The following C4orf51 variants were observed in gnomAD, a reference collection of about 807,000 sequenced individuals.
C4orf51 encodes the protein uncharacterized protein C4orf51.
A neutral mutation model predicts 25.2 loss-of-function variants in C4orf51; 25 were observed. That is an observed-to-expected ratio of 0.99 (90% CI 0.72 to 1.39). The LOEUF is 1.39. Ranked by LOEUF, C4orf51 falls within the 40% of genes most tolerant of loss-of-function variation. The probability of loss-of-function intolerance (pLI) is 0.00; values close to 1 mark genes in which losing one functional copy is unlikely to be tolerated. For missense variants in C4orf51, 252 were observed against 239.6 expected, an observed-to-expected ratio of 1.05 and a Z score of -0.34; for synonymous variants, 100 against 84.5, an observed-to-expected ratio of 1.18 and a Z score of -1.01.
intron 2 of C4orf51, among the ~76,000 whole-genome samples, chr4:145,721,920 A>G (rs761655202): frequency 6.6e-6 from 1 of 152,188 alleles, no homozygotes; most frequent in Non-Finnish European, 1.5e-5. Context: ...CATTATTTTT[A>G]ATTCTGTCCT....
intron 5 of C4orf51, among the ~76,000 whole-genome samples, 198 bp from the exon 6 acceptor site, chr4:145,732,255 T>TTA (rs1447369114): frequency 6.6e-6 from 1 of 152,200 alleles, no homozygotes; most frequent in East Asian, 1.9e-4. Context: ...CTCTCCCACT[T>TTA]TATTAATCTG....
At chr4:145,695,434 G>GT (rs549041859) in intron 1 of C4orf51, among the ~76,000 whole-genome samples, 9 of 151,800 alleles carry the variant, frequency 5.9e-5, no homozygotes, top group African/African-American at 1.7e-4. Flanking sequence ...GGGATTGTTT[G>GT]TTTTTTTTCT....
intron 1 of C4orf51, among the ~76,000 whole-genome samples, chr4:145,748,145 A>T (rs1482626114): frequency 6.6e-6 from 1 of 151,590 alleles, no homozygotes; most frequent in African/African-American, 2.4e-5. Flanking sequence ...AACTTTATCC[A>T]TTTCTTCTGG....
At chr4:145,789,505 T>C in the C4orf51 span, among the ~76,000 whole-genome samples, 9 of 152,208 alleles carry the variant, frequency 5.9e-5, no homozygotes, top group East Asian at 1.7e-3. Context: ...TATTTAACCT[T>C]ATAGCAGCAC....
At chr4:145,727,908 T>TATAG (rs1732163199) in intron 3 of C4orf51, among the ~76,000 whole-genome samples, 1 of 108,020 alleles carries the variant, frequency 9.3e-6, no homozygotes, top group Non-Finnish European at 1.7e-5. Flanking sequence ...TATATATATA[T>TATAG]ATATATATAT....
intron 1 of C4orf51, among the ~76,000 whole-genome samples, chr4:145,693,729 C>T (rs1417673663): frequency 1.2e-4 from 12 of 98,222 alleles, no homozygotes; most frequent in Admixed American, 2.0e-4. Context: ...CCCCCACCTC[C>T]CTCCCGGACG....
At chr4:145,743,476 C>T (rs769253561) in intron 1 of C4orf51, among the ~76,000 whole-genome samples, 14 of 152,124 alleles carry the variant, frequency 9.2e-5, no homozygotes, top group African/African-American at 2.9e-4. Flanking sequence ...CCTGTGATAA[C>T]GGCATTAATC....
intron 1 of C4orf51, among the ~76,000 whole-genome samples, chr4:145,739,098 G>T (rs943331510): frequency 1.3e-5 from 2 of 152,122 alleles, no homozygotes; most frequent in Non-Finnish European, 1.5e-5. Context: ...AAGTCTTGCT[G>T]TTTCTCTACA....
rs1160414603 is a variant in C4orf51 at position 145,761,269 on chromosome 4, G to A, written n.167-9719G>A. On this transcript the variant is annotated intron_variant and non_coding_transcript_variant, in intron 1 of 1. Coordinates refer to the C4orf51 transcript ENST00000510096. This position sits in a 1 kb window ranked among gnomAD's most constrained non-coding sequence, Gnocchi z 6.8. ...GAACAGGCACTCTTCGCAGCTGAAG[G>A]TCTGGCGTGGGGCGTGCTTCAGCTT... 3 of 1,289,802 alleles carry A rather than the reference G, an allele frequency of 2.3e-6. No individual in the cohort carries two copies. The allele number at this position is 1,289,802 out of a possible 1,614,324, so 79.9% of individuals were successfully genotyped here.
At chr4:145,757,229 CAT>C (rs1734014523), downstream of C4orf51, among the ~76,000 whole-genome samples, 2 of 152,180 alleles carry the variant, frequency 1.3e-5, no homozygotes, top group Admixed American at 1.3e-4. Flanking sequence ...ATTAAAATCT[CAT>C]AGTTGCCCAA....
chr4:145,715,606 A>T (rs960573034), intron 2 of C4orf51, among the ~76,000 whole-genome samples: 5 of 152,056 alleles, frequency 3.3e-5, no homozygotes, highest in African/African-American at 9.7e-5. Context: ...TCCACTGGCC[A>T]CCCAGGCTCC....
the C4orf51 span, among the ~76,000 whole-genome samples, chr4:145,791,925 C>G: frequency 6.6e-6 from 1 of 152,116 alleles, no homozygotes; most frequent in African/African-American, 2.4e-5. Flanking sequence ...CCCAGGATGC[C>G]CAACTAGGAA....
chr4:145,733,912 C>T (rs559314350), downstream of C4orf51, among the ~76,000 whole-genome samples: 8 of 152,280 alleles, frequency 5.3e-5, no homozygotes, highest in African/African-American at 1.9e-4. Flanking sequence ...CCTCATGATC[C>T]TGGTTTTAAT....
At chr4:145,695,164 C>T (rs1296954617) in intron 1 of C4orf51, among the ~76,000 whole-genome samples, 1 of 152,216 alleles carries the variant, frequency 6.6e-6, no homozygotes, top group Non-Finnish European at 1.5e-5. Context: ...AATTGTCATA[C>T]TGCTTTCCAC....
At chr4:145,699,998 G>A (rs879044932) in intron 2 of C4orf51, among the ~76,000 whole-genome samples, 1 of 151,694 alleles carries the variant, frequency 6.6e-6, no homozygotes, top group African/African-American at 2.4e-5. Flanking sequence ...TTTCTATGGG[G>A]CAAGAACCCC....
Position 145,732,453 on chromosome 4 carries a change from C to T in C4orf51, c.502C>T (p.Leu168Phe). The change falls in exon 6 of 6, where the codon CTT becomes TTT. Residue 168 changes from leucine (L) to phenylalanine (F), a missense_variant and splice_region_variant. Leu to Phe is a conservative substitution (Grantham distance 22). Transcript: ENST00000438731. ...SRRGKGVLKH[L>F]HGRCDSESKV... The stretch of plus-strand genomic sequence containing the variant: ...TGACAACCAGGCCATTTTTCTCCAG[C>T]TTCATGGACGGTGCGATTCTGAAAG... The T allele has an allele frequency of 6.2e-7, 1 of 1,605,654 alleles. No individual in the cohort carries two copies. The highest frequency in any genetic ancestry group is 8.5e-7 in the Non-Finnish European group (1 of 1,175,644).
chr4:145,696,505 G>A, intron 1 of C4orf51, 54 bp from the exon 2 acceptor site: 1 of 1,390,436 alleles, frequency 7.2e-7, no homozygotes, highest in Non-Finnish European at 1.0e-6. Flanking sequence ...CAGGCTTCAT[G>A]TGATTTATAA....
Position 145,762,990 on chromosome 4 carries a change from C to T in C4orf51, n.167-7998C>T. The T allele has an allele frequency of 8.3e-7, 1 of 1,208,640 alleles. No individual in the cohort carries two copies. The highest frequency in any genetic ancestry group is 1.2e-6 in the Non-Finnish European group (1 of 869,238). The allele number at this position is 1,208,640 out of a possible 1,614,324, so 74.9% of individuals were successfully genotyped here. A position where few individuals can be genotyped will look rare whatever the true frequency, so the allele number is the denominator to read the frequency against. On this transcript the variant is annotated intron_variant and non_coding_transcript_variant, in intron 1 of 1. Transcript: ENST00000510096. The surrounding 1 kb of genome is among the most constrained non-coding windows in gnomAD (Gnocchi z 4.9). Reference sequence around the variant, plus strand: ...TCCTCAGCGCCAAGCTCGCCGTTAGCCTTTGAACCTCAGCTCACAGAAGAG... The same window carrying T: ...TCCTCAGCGCCAAGCTCGCCGTTAGTCTTTGAACCTCAGCTCACAGAAGAG...
chr4:145,753,109 G>A (rs1279577627), intron 1 of C4orf51, among the ~76,000 whole-genome samples: 1 of 151,282 alleles, frequency 6.6e-6, no homozygotes, highest in Non-Finnish European at 1.5e-5. Context: ...TGCTGTGATT[G>A]CTCACCTGAT....
Sources: allele counts gnomAD v4.1 joint callset (sites outside exome capture counted in the v4.1 genomes callset), GRCh38; gene constraint gnomAD v4.1.1; non-coding constraint Gnocchi (gnomAD v3.1); transcripts MANE v1.5; gene names NCBI Gene and HGNC (gene_info 2026-07-23, HGNC 2026-07-21).